Variants in LMNTD1 observed in about 807,000 individuals in gnomAD.
LMNTD1 encodes lamin tail domain-containing protein 1.
Under a neutral mutation model 50.9 loss-of-function variants are expected in LMNTD1, and 35 were observed. The observed-to-expected ratio is 0.69, with a 90% CI of 0.53 to 0.91. LMNTD1 has a LOEUF of 0.91. Ranked by LOEUF, LMNTD1 falls within the 40% of genes least tolerant of loss-of-function variation. LMNTD1 has a pLI of 0.00. For synonymous variants in LMNTD1, 153 were observed against 161.9 expected, an observed-to-expected ratio of 0.94 and a Z score of 0.42; for missense variants, 470 against 475.5, an observed-to-expected ratio of 0.99 and a Z score of 0.11.
rs1487835267 is a variant in LMNTD1, at chr12:25,622,926, C to A, written c.58+25568G>T. Among the ~76,000 whole-genome samples, 2 of 129,408 alleles carry A rather than the reference C, an allele frequency of 1.5e-5. 1 individual carries two copies. The highest frequency in any genetic ancestry group is 6.1e-5 in the African/African-American group (2 of 32,722). The allele number at this position is 129,408 out of a possible 152,430, so 84.9% of individuals were successfully genotyped here. A position where few individuals can be genotyped will look rare whatever the true frequency, so the allele number is the denominator to read the frequency against. ...TTATTTTACATACCATCTTAATGAA[C>A]CTAAACATCTGTTTTTCTAGCCCCA... On this transcript the variant is annotated intron_variant, in intron 1 of 7. Transcript: ENST00000445693.
chr12:25,637,798 A>G (rs1331693714), intron 1 of LMNTD1, among the ~76,000 whole-genome samples: 1 of 152,110 alleles, frequency 6.6e-6, no homozygotes, highest in African/African-American at 2.4e-5. Flanking sequence ...TCCAAAAAAG[A>G]TATACAAATA....
Position 25,634,274 on chromosome 12 carries a change from C to A in LMNTD1, c.58+14220G>T, listed in dbSNP as rs1592125247. Among the ~76,000 whole-genome samples the A allele has an allele frequency of 3.9e-5, 6 of 152,124 alleles. No homozygotes were observed. In the South Asian group the frequency reaches 1.2e-3, roughly 32 times the overall value. ...CAGACCTTCAAAGAAGAATTGGTAC[C>A]AATCCTATTGACACTATTCCACAAG... On this transcript the variant is annotated intron_variant, in intron 1 of 7. Transcript: ENST00000445693.
At chr12:25,552,834 C>T in intron 2 of LMNTD1, 37 bp downstream of exon 2, 1 of 1,261,090 alleles carries the variant, frequency 7.9e-7, no homozygotes, top group Non-Finnish European at 1.1e-6. Context: ...TATAACTCAG[C>T]TCTAACTCTG....
At chr12:25,591,722 T>C (rs1196592425) in intron 1 of LMNTD1, among the ~76,000 whole-genome samples, 1 of 151,674 alleles carries the variant, frequency 6.6e-6, no homozygotes, top group Non-Finnish European at 1.5e-5. Flanking sequence ...AGCTGTGTAC[T>C]GGCTTCAGGT....
chr12:25,526,786 C>A lies in LMNTD1; in HGVS notation c.661G>T (p.Ala221Ser). ...YRFLPNIVMQ[A>S]NSTVTVWAAA... is the part of the protein sequence containing the mutation. ...ATACTCACTGTTACTGTGGAATTTG[C>A]CTGCATTACGATGTTTGGAAGGAAT... Residue 221 changes from alanine (A) to serine (S), a missense_variant, in exon 5 of 10, where the codon GCA becomes TCA. By Grantham distance (99) the Ala-to-Ser change is moderately conservative. Transcript: ENST00000458174. 1 of 1,607,484 alleles carries A rather than the reference C, an allele frequency of 6.2e-7. No individual in the cohort carries two copies. Among genetic ancestry groups the A allele is most frequent in the Admixed American group, 1.7e-5 (1 of 59,448 alleles).
At chr12:25,537,416 C>T (rs963703833) in intron 4 of LMNTD1, among the ~76,000 whole-genome samples, 27 of 152,360 alleles carry the variant, frequency 1.8e-4, no homozygotes, top group Middle Eastern at 3.4e-3. Context: ...TCCCTGACCC[C>T]TGACCCCCAA....
chr12:25,537,020 G>A (rs943562734), intron 4 of LMNTD1, among the ~76,000 whole-genome samples: 6 of 152,176 alleles, frequency 3.9e-5, no homozygotes, highest in African/African-American at 1.2e-4. Flanking sequence ...CTTTTCTGAC[G>A]GGCTTAAAAA....
chr12:25,490,516 A>T (rs1163090261), intron 9 of LMNTD1, among the ~76,000 whole-genome samples: 1 of 152,202 alleles, frequency 6.6e-6, no homozygotes, highest in African/African-American at 2.4e-5. Context: ...CTTACATTTA[A>T]GGTATGGAAA....
chr12:25,571,417 G>A (rs1944791041), intron 1 of LMNTD1, among the ~76,000 whole-genome samples: 1 of 151,938 alleles, frequency 6.6e-6, no homozygotes, highest in South Asian at 2.1e-4. Context: ...AGGCTGGAGT[G>A]CAGTGGTGCG....
At position 25,481,454 on chromosome 12, in the gene LMNTD1, A is replaced by G. The variant is rs142575753; in HGVS notation, c.*23-4994T>C. Among the ~76,000 whole-genome samples, 467 of 152,100 alleles carry G rather than the reference A, an allele frequency of 3.1e-3. 6 individuals are homozygous for G. Among genetic ancestry groups the G allele is most frequent in the East Asian group, 0.026 (133 of 5,184 alleles). On this transcript the variant is annotated intron_variant, in intron 9 of 9. Transcript: ENST00000458174. ...TTAAGTTGTTTGCAAATAACTTCAT[A>G]TATTACTCTCCTAGATTGTGTGTAC...
chr12:25,624,943 A>G (rs1946555521), intron 1 of LMNTD1, among the ~76,000 whole-genome samples: 1 of 152,230 alleles, frequency 6.6e-6, no homozygotes, highest in Admixed American at 6.5e-5. Flanking sequence ...TGCTTTGTGG[A>G]AAAACGGAGT....
At chr12:25,515,135 T>A (rs1458301911) in intron 8 of LMNTD1, among the ~76,000 whole-genome samples, 1 of 152,098 alleles carries the variant, frequency 6.6e-6, no homozygotes, top group African/African-American at 2.4e-5. Flanking sequence ...TGCACAAGGA[T>A]AATCATTGCC....
intron 9 of LMNTD1, among the ~76,000 whole-genome samples, chr12:25,494,005 A>C (rs1487167772): frequency 1.3e-5 from 2 of 152,192 alleles, no homozygotes; most frequent in African/African-American, 4.8e-5. Context: ...TTTGCCAACC[A>C]TGTGAATGGG....
intron 1 of LMNTD1, among the ~76,000 whole-genome samples, chr12:25,648,237 T>G (rs961609125): frequency 6.6e-6 from 1 of 152,224 alleles, no homozygotes; most frequent in Non-Finnish European, 1.5e-5. Context: ...AGTCATGGGT[T>G]CCTGCTACAC....
intron 1 of LMNTD1, among the ~76,000 whole-genome samples, chr12:25,609,553 T>C (rs1946196734): frequency 2.6e-5 from 4 of 152,216 alleles, no homozygotes; most frequent in Admixed American, 2.6e-4. Flanking sequence ...TTCCTGTTTG[T>C]TAGTTTTCCT....
chr12:25,638,299 A>G (rs971689233), intron 1 of LMNTD1, among the ~76,000 whole-genome samples: 3 of 152,128 alleles, frequency 2.0e-5, no homozygotes, highest in African/African-American at 7.2e-5. Flanking sequence ...GTCCACTCTC[A>G]TCACATCTAT....
At chr12:25,486,386 A>G (rs1480280437) in intron 9 of LMNTD1, among the ~76,000 whole-genome samples, 1 of 152,048 alleles carries the variant, frequency 6.6e-6, no homozygotes, top group Non-Finnish European at 1.5e-5. Context: ...GTTGCTTATC[A>G]GCTTAAGGAG....
chr12:25,632,365 C>T (rs568083159), intron 1 of LMNTD1, among the ~76,000 whole-genome samples: 7 of 152,104 alleles, frequency 4.6e-5, no homozygotes, highest in Non-Finnish European at 7.4e-5. Context: ...AGAGTTAAGA[C>T]GAAGGAATCA....
intron 4 of LMNTD1, among the ~76,000 whole-genome samples, chr12:25,531,572 G>GTGTTTT (rs1429933048): frequency 6.6e-6 from 1 of 151,960 alleles, no homozygotes; most frequent in East Asian, 1.9e-4. Flanking sequence ...GTTTTAAAAA[G>GTGTTTT]TGTTTTTGTT....
Sources: gnomAD v4.1 joint callset for allele counts (sites outside exome capture counted in the v4.1 genomes callset) on GRCh38, gnomAD v4.1.1 for gene constraint, MANE v1.5 for transcripts, NCBI Gene and HGNC (gene_info 2026-07-23, HGNC 2026-07-21) for gene names.